PCDH10: variants seen among roughly 807,000 people sequenced by gnomAD.
The protein encoded by PCDH10 is protocadherin-10.
A neutral mutation model predicts 74.4 loss-of-function variants in PCDH10; 15 were observed. The observed-to-expected ratio is 0.20, with a 90% CI of 0.13 to 0.31. The LOEUF is 0.31. Among genes scored for constraint, PCDH10 ranks in the 10% least tolerant of loss-of-function variants. The pLI, the probability that PCDH10 is intolerant of heterozygous loss-of-function variation, is 1.00. For synonymous variants in PCDH10, 619 were observed against 589.8 expected (o/e 1.05, Z -0.72); for missense variants, 1,260 against 1,390.2 (o/e 0.91, Z 1.49).
chr4:133,190,207 G>A lies in PCDH10; in HGVS notation c.*47G>A, dbSNP rs756224172. ...GAAGCAGCATGATTTGCACAAAGTC[G>A]ACCAACAAAAGCATCAACTTTTCAA... On this transcript the variant is annotated 3_prime_UTR_variant, in exon 5 of 5. Coordinates refer to ENST00000264360, the MANE Select transcript of PCDH10 (RefSeq NM_032961.3). 5.0e-5 allele frequency: 79 copies of A among 1,568,542 alleles called. No individual in the cohort carries two copies. Among genetic ancestry groups the A allele is most frequent in the East Asian group, 2.7e-4 (12 of 44,640 alleles).
chr4:133,154,886 TA>T (rs1317630955), intron 2 of PCDH10, 30 bp from the exon 3 acceptor site: 16 of 1,407,162 alleles, frequency 1.1e-5, no homozygotes, highest in Non-Finnish European at 1.6e-5. Flanking sequence ...TCACCTTTTT[TA>T]TTCTAATATT....
chr4:133,204,375 T>C (rs1419965187), intron 2 of PCDH10, among the ~76,000 whole-genome samples: 1 of 152,176 alleles, frequency 6.6e-6, no homozygotes, highest in Non-Finnish European at 1.5e-5. Context: ...CGTTAGATGC[T>C]GTAAGCAGAG....
chr4:133,150,035 C>A lies in PCDH10; in HGVS notation c.-106C>A, dbSNP rs2125856630. ...GAAAGCCACAGGAGCCCCCACGTAG[C>A]GCACTTTTATTTGTATTTTTTCAGA... is the stretch of plus-strand genomic sequence containing the variant. On this transcript the variant is annotated 5_prime_UTR_variant, in exon 1 of 5. Transcript: ENST00000264360. 1 of 1,425,170 alleles carries A rather than the reference C, an allele frequency of 7.0e-7. No homozygotes were observed. Among genetic ancestry groups the A allele is most frequent in the East Asian group, 2.4e-5 (1 of 41,334 alleles). 88.3% of individuals were successfully genotyped at this position (1,425,170 alleles called of 1,614,324 possible). A position where few individuals can be genotyped will look rare whatever the true frequency, so the allele number is the denominator to read the frequency against.
chr4:133,164,771 T>A (rs1456190612), intron 4 of PCDH10, among the ~76,000 whole-genome samples: 4 of 151,272 alleles, frequency 2.6e-5, no homozygotes, highest in South Asian at 2.1e-4. Flanking sequence ...AAAATATTAA[T>A]GCTGCATATA....
rs534409587 is a variant in PCDH10 at position 133,151,364 on chromosome 4, C to T, written c.1224C>T (p.Ser408=). Residue 408 remains serine (S), a synonymous_variant, in exon 1 of 5, where the codon TCC becomes TCT. Transcript: ENST00000264360. ...ACGTGCCTTTCCGCCTCAAGTCTTC[C>T]TTTAAGAATTACTACACCATCGTTA... The part of the protein sequence containing the change: ...LGDVPFRLKS[S]FKNYYTIVTE... The T allele has an allele frequency of 6.7e-5, 108 of 1,614,174 alleles. No homozygotes were observed. Among genetic ancestry groups the T allele is most frequent in the Middle Eastern group, 1.6e-4 (1 of 6,062 alleles).
rs552224221 is a variant in PCDH10 at position 133,151,696 on chromosome 4, A to G, written c.1556A>G (p.Asn519Ser). 2.4e-5 allele frequency: 39 copies of G among 1,613,296 alleles called. No homozygotes were observed. In the Admixed American group the frequency reaches 3.7e-4, roughly 15 times the overall value. ...AGCGTCTTCACCTACGTTTCTATCA[A>G]CTCTGAGAACGGCTACTTGTACGCC... ...GMSVFTYVSI[N>S]SENGYLYALR... The change falls in exon 1 of 5, where the codon AAC (asparagine) becomes AGC (serine). Residue 519 changes from asparagine to serine, a missense_variant. This residue lies in a region of PCDH10 where 587 missense variants were observed against 616.9 expected (regional missense o/e 0.95). Transcript: ENST00000264360.
chr4:133,151,738 A>T lies in PCDH10; in HGVS notation c.1598A>T (p.Tyr533Phe), dbSNP rs142476647. Reference sequence around the variant, plus strand: ...TTGTACGCCCTGCGCTCCTTCGACTATGAGCAGCTGAAGGACTTCAGTTTT... The same window carrying T: ...TTGTACGCCCTGCGCTCCTTCGACTTTGAGCAGCTGAAGGACTTCAGTTTT... ...GYLYALRSFD[Y>F]EQLKDFSFQV... Residue 533 changes from tyrosine to phenylalanine, a missense_variant, in exon 1 of 5, where the codon TAT becomes TTT. Physicochemically the swap from Tyr to Phe is conservative, Grantham distance 22. Transcript: ENST00000264360. The T allele has an allele frequency of 6.2e-7, 1 of 1,613,028 alleles. No individual in the cohort carries two copies. Among genetic ancestry groups the T allele is most frequent in the African/African-American group, 1.3e-5 (1 of 74,948 alleles).
rs771142057 is a variant in PCDH10 at position 133,150,638 on chromosome 4, C to T, written c.498C>T (p.Tyr166=). ...LRDYEITPNS[Y]FSLDVQTQGD... is the part of the protein sequence containing the mutation. Reference sequence around the variant, plus strand: ...ACTACGAGATCACCCCCAACAGCTACTTCTCCCTGGACGTGCAGACCCAGG... The same window carrying T: ...ACTACGAGATCACCCCCAACAGCTATTTCTCCCTGGACGTGCAGACCCAGG... Residue 166 remains tyrosine, a synonymous_variant, in exon 1 of 5, where the codon TAC becomes TAT. Transcript: ENST00000264360. 1 of 1,613,246 alleles carries T rather than the reference C, an allele frequency of 6.2e-7. No individual in the cohort carries two copies. Among genetic ancestry groups the T allele is most frequent in the African/African-American group, 1.3e-5 (1 of 74,864 alleles).
chr4:133,151,823 C>T lies in PCDH10; in HGVS notation c.1683C>T (p.Asn561=), dbSNP rs772246043. Residue 561 remains asparagine, a synonymous_variant, in exon 1 of 5, where the codon AAC becomes AAT. Transcript: ENST00000264360. ...CGCTGGCTGGTAACGCCACTGTCAA[C>T]ATCCTCATAGTGGATCAAAATGACA... ...PQALAGNATV[N]ILIVDQNDNA... is the part of the protein sequence containing the mutation. The T allele has an allele frequency of 6.2e-7, 1 of 1,613,116 alleles. No homozygotes were observed. The highest frequency in any genetic ancestry group is 1.7e-5 in the Admixed American group (1 of 60,036).
At position 133,149,503 on chromosome 4, in the gene PCDH10, A is replaced by G. The variant is rs1194380613; in HGVS notation, c.-638A>G. The G allele has an allele frequency of 6.6e-6, 1 of 152,484 alleles. No individual in the cohort carries two copies. Among genetic ancestry groups the G allele is most frequent in the African/African-American group, 2.4e-5 (1 of 41,468 alleles). The allele number at this position is 152,484 out of a possible 1,614,324, so 9.4% of individuals were successfully genotyped here. ...AAAGACAAAAAATACAAATAGAGCG[A>G]AAGAGGAAAAAAATGTCAAGAAGAA... On this transcript the variant is annotated 5_prime_UTR_variant, in exon 1 of 5. Coordinates refer to ENST00000264360, the MANE Select transcript of PCDH10 (RefSeq NM_032961.3).
At chr4:133,159,449 A>AGTAAAAG (rs1410385522) in intron 3 of PCDH10, among the ~76,000 whole-genome samples, 4 of 152,110 alleles carry the variant, frequency 2.6e-5, no homozygotes, top group African/African-American at 9.6e-5. Context: ...AGAGATTGCA[A>AGTAAAAG]GTAAAAGGTA....
chr4:133,153,309 T>C, intron 1 of PCDH10: 2 of 994,432 alleles, frequency 2.0e-6, no homozygotes, highest in Non-Finnish European at 2.4e-6. Flanking sequence ...CCTTCTCCTC[T>C]GAACTCGGGT....
At position 133,192,784 on chromosome 4, in the gene PCDH10, T is replaced by C. The variant is rs564106735; in HGVS notation, c.*2624T>C. ...AGTTACAACAGAGTAAGGATATGAT[T>C]CTTGTAAGTTGGTTAAAATGTTTTC... On this transcript the variant is annotated 3_prime_UTR_variant, in exon 5 of 5. Coordinates refer to ENST00000264360, the MANE Select transcript of PCDH10 (RefSeq NM_032961.3). The C allele has an allele frequency of 6.6e-6, 1 of 151,724 alleles. No individual in the cohort carries two copies. The highest frequency in any genetic ancestry group is 1.5e-5 in the Non-Finnish European group (1 of 67,618). 9.4% of individuals were successfully genotyped at this position (151,724 alleles called of 1,614,324 possible). A position where few individuals can be genotyped will look rare whatever the true frequency, so the allele number is the denominator to read the frequency against.
intron 2 of PCDH10, among the ~76,000 whole-genome samples, chr4:133,202,847 C>A (rs1162255939): frequency 2.6e-5 from 4 of 152,116 alleles, no homozygotes; most frequent in African/African-American, 9.7e-5. Flanking sequence ...TCAACATGTT[C>A]CCTCAGTTGT....
chr4:133,155,143 A>C lies in PCDH10; in HGVS notation c.2797+120A>C, dbSNP rs530027962. 4.4e-6 allele frequency: 3 copies of C among 682,628 alleles called. No individual in the cohort carries two copies. In the African/African-American group the frequency reaches 5.4e-5, roughly 12 times the overall value. 42.3% of individuals were successfully genotyped at this position (682,628 alleles called of 1,614,324 possible). On this transcript the variant is annotated intron_variant, in intron 3 of 4. Transcript: ENST00000264360. Reference sequence around the variant, plus strand: ...ATAGGTCTAATGCTGGTAACTCTACAGAAAAATAGTGTCACTCTACTTTGA... The same window carrying C: ...ATAGGTCTAATGCTGGTAACTCTACCGAAAAATAGTGTCACTCTACTTTGA...
chr4:133,150,035 C>T lies in PCDH10; in HGVS notation c.-106C>T. The T allele has an allele frequency of 7.0e-7, 1 of 1,425,172 alleles. No individual in the cohort carries two copies. 88.3% of individuals were successfully genotyped at this position (1,425,172 alleles called of 1,614,324 possible). On this transcript the variant is annotated 5_prime_UTR_variant, in exon 1 of 5. Coordinates refer to ENST00000264360, the MANE Select transcript of PCDH10 (RefSeq NM_032961.3). Reference sequence around the variant, plus strand: ...GAAAGCCACAGGAGCCCCCACGTAGCGCACTTTTATTTGTATTTTTTCAGA... The same window carrying T: ...GAAAGCCACAGGAGCCCCCACGTAGTGCACTTTTATTTGTATTTTTTCAGA...
intron 4 of PCDH10, among the ~76,000 whole-genome samples, chr4:133,187,789 C>T (rs971036230): frequency 1.3e-5 from 2 of 151,868 alleles, no homozygotes; most frequent in Admixed American, 6.6e-5. Flanking sequence ...AACTGTGAAC[C>T]ATTTTAATAA....
At chr4:133,206,809 T>C (rs1278787941) in intron 2 of PCDH10, among the ~76,000 whole-genome samples, 1 of 152,168 alleles carries the variant, frequency 6.6e-6, no homozygotes, top group Non-Finnish European at 1.5e-5. Flanking sequence ...AGAAAAGTCT[T>C]ATAAGCATAA....
chr4:133,182,615 T>C (rs1211870903), intron 4 of PCDH10, among the ~76,000 whole-genome samples: 1 of 152,038 alleles, frequency 6.6e-6, no homozygotes, highest in Non-Finnish European at 1.5e-5. Flanking sequence ...CCAGAAAAAT[T>C]TTCAGTGATA....
Sources: allele counts gnomAD v4.1 joint callset (sites outside exome capture counted in the v4.1 genomes callset), GRCh38; gene constraint gnomAD v4.1.1; regional missense constraint gnomAD v4.1.1; transcripts MANE v1.5; gene names NCBI Gene and HGNC (gene_info 2026-07-23, HGNC 2026-07-21).